Variants in LTBP1 observed in about 807,000 individuals in gnomAD.
The protein encoded by LTBP1 is latent-transforming growth factor beta-binding protein 1.
A neutral mutation model predicts 207.6 loss-of-function variants in LTBP1; 129 were observed. The ratio of observed to expected loss-of-function variants is 0.62; its 90% confidence interval spans 0.54 to 0.72. The LOEUF is 0.72. Ranked by LOEUF, LTBP1 falls within the 30% of genes least tolerant of loss-of-function variation. The pLI is 0.00. For synonymous variants in LTBP1, 963 were observed against 833.7 expected, an observed-to-expected ratio of 1.16 and a Z score of -2.67; for missense variants, 2,281 against 2,217.2, an observed-to-expected ratio of 1.03 and a Z score of -0.58.
intron 5 of LTBP1, among the ~76,000 whole-genome samples, chr2:33,161,316 G>A (rs1401771733): frequency 6.7e-6 from 1 of 149,692 alleles, no homozygotes. Context: ...CTGGAGTGCG[G>A]TGACATGATT....
chr2:33,150,242 T>C (rs2083403692), intron 5 of LTBP1, among the ~76,000 whole-genome samples: 1 of 152,196 alleles, frequency 6.6e-6, no homozygotes, highest in Non-Finnish European at 1.5e-5. Context: ...ACTTGGAATT[T>C]TCACAGTTAT....
At chr2:32,969,887 T>C (rs1680603411) in intron 2 of LTBP1, among the ~76,000 whole-genome samples, 1 of 152,178 alleles carries the variant, frequency 6.6e-6, no homozygotes, top group Non-Finnish European at 1.5e-5. Flanking sequence ...CATTCCCACC[T>C]ACAGTGTATA....
intron 19 of LTBP1, among the ~76,000 whole-genome samples, chr2:33,292,824 G>A (rs1573659942): frequency 6.6e-6 from 1 of 152,012 alleles, no homozygotes; most frequent in African/African-American, 2.4e-5. Context: ...CCCATCTTTG[G>A]TTCTTTGGAA....
intron 3 of LTBP1, among the ~76,000 whole-genome samples, chr2:33,082,836 C>T (rs1434776243): frequency 6.6e-6 from 1 of 152,160 alleles, no homozygotes; most frequent in Non-Finnish European, 1.5e-5. Flanking sequence ...GCCTTGTGTC[C>T]TGGTCCTGGG....
In LTBP1 at chr2:33,311,991, A is replaced by T. The variant is rs1334553149; in HGVS notation, c.3604+2435A>T. Among the ~76,000 whole-genome samples the T allele has an allele frequency of 2.0e-5, 3 of 152,220 alleles. No homozygotes were observed. In the East Asian group the frequency reaches 5.8e-4, roughly 29 times the overall value. ...AAGTAGGTCTTAGTACTGTTTAAAGAATAGTGTCTGTGAATCTGTTTTATC... is the reference window on the plus strand; with the variant it reads ...AAGTAGGTCTTAGTACTGTTTAAAGTATAGTGTCTGTGAATCTGTTTTATC... On this transcript the variant is annotated intron_variant, in intron 23 of 33. Transcript: ENST00000404816.
At chr2:33,375,803 A>C (rs1275490156) in intron 31 of LTBP1, among the ~76,000 whole-genome samples, 1 of 151,086 alleles carries the variant, frequency 6.6e-6, no homozygotes, top group Non-Finnish European at 1.5e-5. Context: ...CGGCCTCCCA[A>C]AGTGCTGGGA....
In LTBP1 at chr2:33,188,387, AT is replaced by A. The variant is rs201654844; in HGVS notation, c.1427-188del. Among the ~76,000 whole-genome samples the A allele has an allele frequency of 7.9e-3, 1,125 of 141,668 alleles. 16 individuals are homozygous for A. Among genetic ancestry groups the A allele is most frequent in the African/African-American group, 0.027 (1,056 of 38,776 alleles). The allele number at this position is 141,668 out of a possible 152,430, so 92.9% of individuals were successfully genotyped here. A position where few individuals can be genotyped will look rare whatever the true frequency, so the allele number is the denominator to read the frequency against. ...GGTTGCAATGAGCTGAGATCGAGCC[AT>A]TGCACATCAGCCTGGGTGACCAGAG... On this transcript the variant is annotated intron_variant, in intron 6 of 33. Transcript: ENST00000404816.
intron 5 of LTBP1, among the ~76,000 whole-genome samples, chr2:33,177,318 G>A (rs986395603): frequency 2.6e-5 from 4 of 152,184 alleles, no homozygotes; most frequent in African/African-American, 9.7e-5. Context: ...TTGTGCTTGT[G>A]GAGGATATTC....
intron 2 of LTBP1, among the ~76,000 whole-genome samples, chr2:32,970,144 C>T (rs1266959730): frequency 1.3e-5 from 2 of 152,040 alleles, no homozygotes; most frequent in African/African-American, 4.8e-5. Flanking sequence ...ATTTAAGTTC[C>T]TTGTAAATTC....
At chr2:33,023,908 T>C (rs1298050915) in intron 3 of LTBP1, among the ~76,000 whole-genome samples, 1 of 152,240 alleles carries the variant, frequency 6.6e-6, no homozygotes, top group Non-Finnish European at 1.5e-5. Context: ...AAGTTATCTT[T>C]CAGATTGCCT....
intron 24 of LTBP1, among the ~76,000 whole-genome samples, chr2:33,341,027 C>T (rs1302045667): frequency 2.0e-5 from 3 of 152,084 alleles, no homozygotes; most frequent in Non-Finnish European, 4.4e-5. Context: ...ATTATTTGAA[C>T]ATAAAAGTAC....
chr2:33,079,455 A>C (rs1273407242), intron 3 of LTBP1, among the ~76,000 whole-genome samples: 1 of 152,202 alleles, frequency 6.6e-6, no homozygotes, highest in Non-Finnish European at 1.5e-5. Flanking sequence ...GAGCTAGGCA[A>C]TTTGGAGAAT....
intron 2 of LTBP1, 40 bp from the exon 3 acceptor site, chr2:33,020,869 G>A (rs1458915409): frequency 3.9e-6 from 6 of 1,524,598 alleles, no homozygotes. Flanking sequence ...AGTCTACAAT[G>A]TTGTTCTTCA....
chr2:33,166,711 G>A (rs2084949578), intron 5 of LTBP1, among the ~76,000 whole-genome samples: 1 of 152,202 alleles, frequency 6.6e-6, no homozygotes. Flanking sequence ...GATTCAGGAA[G>A]TATATATGGA....
chr2:33,235,489 G>A (rs1301691531), intron 9 of LTBP1, among the ~76,000 whole-genome samples: 1 of 152,140 alleles, frequency 6.6e-6, no homozygotes, highest in Non-Finnish European at 1.5e-5. Flanking sequence ...GTGGAAGACA[G>A]TGTGGTGATT....
intron 3 of LTBP1, among the ~76,000 whole-genome samples, chr2:33,060,650 TCTG>T (rs1438929446): frequency 1.9e-5 from 2 of 105,642 alleles, no homozygotes; most frequent in Admixed American, 9.6e-5. Context: ...TAAATTCAGA[TCTG>T]TGTGTGTGTG....
In LTBP1 at chr2:33,361,494, G is replaced by A. The variant is rs773279437; in HGVS notation, c.4249G>A (p.Ala1417Thr). Reference sequence around the variant, plus strand: ...GCCTGCTGGAGAATCATCTTCTGAAGCTGGTGGTGAGAACTATAAAGGTCA... The same window carrying A: ...GCCTGCTGGAGAATCATCTTCTGAAACTGGTGGTGAGAACTATAAAGGTCA... Reference protein sequence around the residue: ...FVPAGESSSEAGGENYKDADE... With the variant: ...FVPAGESSSETGGENYKDADE... Residue 1417 changes from alanine to threonine, a missense_variant, in exon 28 of 34, where the codon GCT (alanine) becomes ACT (threonine). Coordinates refer to ENST00000404816, the MANE Select transcript of LTBP1 (RefSeq NM_206943.4). The A allele has an allele frequency of 3.7e-6, 6 of 1,612,630 alleles. No homozygotes were observed. Among genetic ancestry groups the A allele is most frequent in the Non-Finnish European group, 5.1e-6 (6 of 1,179,444 alleles).
chr2:33,170,942 C>G (rs2085382068), intron 5 of LTBP1, among the ~76,000 whole-genome samples: 1 of 152,188 alleles, frequency 6.6e-6, no homozygotes, highest in Non-Finnish European at 1.5e-5. Context: ...AGACCTGCAG[C>G]TGAGGGTCCT....
intron 2 of LTBP1, among the ~76,000 whole-genome samples, chr2:32,959,372 G>A (rs960489020): frequency 2.0e-5 from 3 of 151,904 alleles, no homozygotes; most frequent in South Asian, 4.2e-4. Context: ...GAGATAGCAT[G>A]CTACCAGTAA....
Sources: allele counts gnomAD v4.1 joint callset (sites outside exome capture counted in the v4.1 genomes callset), GRCh38; gene constraint gnomAD v4.1.1; transcripts MANE v1.5; gene names NCBI Gene and HGNC (gene_info 2026-07-23, HGNC 2026-07-21).